MCTP1: variants seen among roughly 807,000 people sequenced by gnomAD.
MCTP1 encodes the protein multiple C2 and transmembrane domain-containing protein 1.
MCTP1 carries 69 observed loss-of-function variants against 120.6 expected under a neutral mutation model. The ratio of observed to expected loss-of-function variants is 0.57; its 90% CI spans 0.47 to 0.70. The LOEUF (loss-of-function observed/expected upper bound fraction) is 0.70, where lower values mean the gene tolerates loss of function less well. MCTP1 is among the 30% of genes least tolerant of loss of function. The pLI, the probability that MCTP1 is intolerant of heterozygous loss-of-function variation, is 0.00. For missense variants in MCTP1, 1,203 were observed against 1,248.8 expected (o/e 0.96, Z 0.55); for synonymous variants, 529 against 493.1 (o/e 1.07, Z -0.96).
At chr5:94,748,293 G>A (rs1304452162) in intron 19 of MCTP1, among the ~76,000 whole-genome samples, 1 of 152,196 alleles carries the variant, frequency 6.6e-6, no homozygotes, top group Non-Finnish European at 1.5e-5. Context: ...TGCATGTACA[G>A]TTAGGACTCA....
intron 2 of MCTP1, chr5:94,981,014 C>T (rs1829283363): frequency 6.6e-6 from 1 of 152,084 alleles, no homozygotes; most frequent in Non-Finnish European, 1.5e-5. Flanking sequence ...AAAACCTTCA[C>T]CCCTTATGCT....
At chr5:95,136,013 G>A (rs1243758704) in intron 1 of MCTP1, among the ~76,000 whole-genome samples, 1 of 152,178 alleles carries the variant, frequency 6.6e-6, no homozygotes, top group Non-Finnish European at 1.5e-5. Context: ...CAATATAATT[G>A]AAGTAGGTTT....
intron 2 of MCTP1, among the ~76,000 whole-genome samples, chr5:95,007,356 C>A (rs772730585): frequency 7.9e-5 from 12 of 152,112 alleles, no homozygotes; most frequent in Admixed American, 7.2e-4. Flanking sequence ...CGAAGAGGAA[C>A]CTGAATAGCA....
chr5:94,779,551 C>A (rs936850477), intron 18 of MCTP1, among the ~76,000 whole-genome samples: 13 of 152,108 alleles, frequency 8.5e-5, no homozygotes, highest in African/African-American at 3.1e-4. Flanking sequence ...TCTGCTATTT[C>A]TAATTTACTT....
intron 18 of MCTP1, among the ~76,000 whole-genome samples, chr5:94,783,372 A>C (rs892089852): frequency 1.3e-5 from 2 of 152,162 alleles, no homozygotes; most frequent in East Asian, 3.8e-4. Context: ...TCTATAGACC[A>C]TATATTTTAT....
At chr5:95,119,472 T>C (rs542221878) in intron 1 of MCTP1, among the ~76,000 whole-genome samples, 10 of 152,192 alleles carry the variant, frequency 6.6e-5, no homozygotes, top group African/African-American at 2.4e-4. Context: ...CTTTAAAAGT[T>C]AGAAAAGCAA....
chr5:94,753,897 G>C (rs1325365455), intron 19 of MCTP1, among the ~76,000 whole-genome samples: 1 of 152,150 alleles, frequency 6.6e-6, no homozygotes, highest in Admixed American at 6.5e-5. Flanking sequence ...TGGCCCCCAG[G>C]AGAAAAGCAG....
intron 5 of MCTP1, among the ~76,000 whole-genome samples, chr5:94,934,039 C>T (rs1209361568): frequency 6.6e-6 from 1 of 151,810 alleles, no homozygotes; most frequent in Non-Finnish European, 1.5e-5. Flanking sequence ...TCCAGTAACT[C>T]TCAAAATGAC....
rs74398631 is a variant in MCTP1, at chr5:95,095,006, A to T, written c.721-77522T>A. 7.7e-3 allele frequency among the ~76,000 whole-genome samples: 285 copies of T among 36,976 alleles called. 3 individuals are homozygous for T. The highest frequency in any genetic ancestry group is 0.03 in the African/African-American group (243 of 8,058). The allele number at this position is 36,976 out of a possible 152,430, so 24.3% of individuals were successfully genotyped here. ...TTTTTTCTTTTATTTGTTATGTTAG[A>T]TTTTTTTTTTTTTTTTTTTTTTTTT... On this transcript the variant is annotated intron_variant, in intron 1 of 22. Coordinates refer to ENST00000515393, the MANE Select transcript of MCTP1 (RefSeq NM_024717.7).
intron 1 of MCTP1, among the ~76,000 whole-genome samples, chr5:95,054,785 GT>G (rs1746932799): frequency 1.6e-5 from 2 of 124,520 alleles, no homozygotes; most frequent in Admixed American, 1.7e-4. Context: ...AATCCACAGT[GT>G]TTTTTGTTGT....
At chr5:95,152,276 T>C (rs1744606626) in intron 1 of MCTP1, among the ~76,000 whole-genome samples, 1 of 152,198 alleles carries the variant, frequency 6.6e-6, no homozygotes, top group Non-Finnish European at 1.5e-5. Flanking sequence ...CAGATTCTCT[T>C]CCACTATTTT....
At chr5:95,079,816 C>A (rs56155429) in intron 1 of MCTP1, among the ~76,000 whole-genome samples, 2 of 151,838 alleles carry the variant, frequency 1.3e-5, no homozygotes, top group African/African-American at 4.8e-5. Flanking sequence ...CACAAGAAAA[C>A]TTTTAATTAA....
intron 1 of MCTP1, among the ~76,000 whole-genome samples, chr5:95,193,159 TAA>T (rs1208424893): frequency 1.3e-5 from 2 of 152,138 alleles, no homozygotes; most frequent in Admixed American, 1.3e-4. Context: ...AATAAACATC[TAA>T]AGAGATTTAA....
At chr5:95,049,333 G>A (rs1745319312) in intron 1 of MCTP1, among the ~76,000 whole-genome samples, 1 of 152,124 alleles carries the variant, frequency 6.6e-6, no homozygotes, top group Non-Finnish European at 1.5e-5. Context: ...AAAAGTCTTT[G>A]GAGAAGGCCT....
intron 1 of MCTP1, among the ~76,000 whole-genome samples, chr5:95,274,099 T>A (rs1167364825): frequency 1.3e-5 from 2 of 152,176 alleles, no homozygotes; most frequent in African/African-American, 4.8e-5. Context: ...AGTACACGTC[T>A]CAGCCCTCAT....
chr5:95,069,441 T>C (rs1191422208), intron 1 of MCTP1, among the ~76,000 whole-genome samples: 1 of 109,468 alleles, frequency 9.1e-6, no homozygotes, highest in Non-Finnish European at 2.1e-5. Context: ...TTTGGGAGCA[T>C]AGCATTTTTT....
chr5:94,970,081 C>T (rs1826451414), intron 2 of MCTP1, among the ~76,000 whole-genome samples: 1 of 151,894 alleles, frequency 6.6e-6, no homozygotes, highest in Non-Finnish European at 1.5e-5. Flanking sequence ...TGGTAAGTTA[C>T]CATGATATAG....
intron 19 of MCTP1, among the ~76,000 whole-genome samples, chr5:94,772,816 C>T (rs1341976608): frequency 2.0e-5 from 3 of 152,174 alleles, no homozygotes; most frequent in Non-Finnish European, 2.9e-5. Context: ...CCCCTTCCCC[C>T]GGAAAACCTA....
At chr5:95,174,064 A>C (rs1747677511) in intron 1 of MCTP1, among the ~76,000 whole-genome samples, 1 of 152,014 alleles carries the variant, frequency 6.6e-6, no homozygotes, top group Non-Finnish European at 1.5e-5. Context: ...CCCAATATCA[A>C]ATTGGCTCCA....
Sources: allele counts gnomAD v4.1 joint callset (sites outside exome capture counted in the v4.1 genomes callset), GRCh38; gene constraint gnomAD v4.1.1; transcripts MANE v1.5; gene names NCBI Gene and HGNC (gene_info 2026-07-23, HGNC 2026-07-21).